Variants in EBF1 observed in about 807,000 individuals in gnomAD.
The protein encoded by EBF1 is transcription factor COE1.
In EBF1, 10 loss-of-function variants were observed where a neutral mutation model predicts 68.4. The ratio of observed to expected loss-of-function variants is 0.15; its 90% CI spans 0.09 to 0.25. The LOEUF (loss-of-function observed/expected upper bound fraction) is 0.25. Among genes scored for constraint, EBF1 ranks in the 10% least tolerant of loss-of-function variants. The probability of loss-of-function intolerance (pLI) is 1.00; values close to 1 mark genes in which losing one functional copy is unlikely to be tolerated. For synonymous variants in EBF1, 298 were observed against 299.8 expected (o/e 0.99, Z 0.06); for missense variants, 509 against 794.4 (o/e 0.64, Z 4.32).
chr5:158,781,970 G>A (rs1476270925), intron 9 of EBF1, among the ~76,000 whole-genome samples: 5 of 152,044 alleles, frequency 3.3e-5, no homozygotes, highest in Admixed American at 2.0e-4. Context: ...TTTAGGGTTC[G>A]CCAAGGCCTG....
chr5:159,068,769 G>A (rs1466443157), intron 6 of EBF1, among the ~76,000 whole-genome samples: 3 of 152,152 alleles, frequency 2.0e-5, no homozygotes, highest in African/African-American at 7.2e-5. Context: ...CTAAATGGAA[G>A]TGATCTAGAT....
At chr5:158,736,402 C>T (rs1765193112) in intron 10 of EBF1, among the ~76,000 whole-genome samples, 1 of 152,082 alleles carries the variant, frequency 6.6e-6, no homozygotes, top group African/African-American at 2.4e-5. Context: ...TATAGCTCAG[C>T]GACTCACTGC....
chr5:158,829,269 C>T (rs531841697), intron 7 of EBF1, among the ~76,000 whole-genome samples: 93 of 151,932 alleles, frequency 6.1e-4, no homozygotes, highest in Admixed American at 3.1e-3. Context: ...CTCTGCGTCC[C>T]GGGCTCAACT....
intron 2 of EBF1, among the ~76,000 whole-genome samples, 193 bp downstream of exon 2, chr5:159,096,781 C>A (rs1384174352): frequency 1.3e-5 from 2 of 152,160 alleles, no homozygotes; most frequent in African/African-American, 4.8e-5. Flanking sequence ...GGGCTCCGTG[C>A]GAACTTTTCT....
At chr5:158,788,016 G>C (rs1207627627) in intron 9 of EBF1, among the ~76,000 whole-genome samples, 1 of 146,758 alleles carries the variant, frequency 6.8e-6, no homozygotes, top group African/African-American at 2.5e-5. Context: ...GGGAGCATTT[G>C]TTTGACTGAA....
chr5:158,854,686 C>T (rs549579822), intron 6 of EBF1, among the ~76,000 whole-genome samples: 9 of 152,312 alleles, frequency 5.9e-5, no homozygotes, highest in Admixed American at 4.6e-4. Context: ...CTCCTTGCTT[C>T]TAAAGAGACT....
intron 6 of EBF1, among the ~76,000 whole-genome samples, chr5:159,058,469 C>A (rs931704241): frequency 1.3e-5 from 2 of 152,200 alleles, no homozygotes; most frequent in Non-Finnish European, 2.9e-5. Context: ...ACCTTGCAAC[C>A]AGACAAATGA....
At chr5:158,809,477 G>A (rs1459752188) in intron 8 of EBF1, among the ~76,000 whole-genome samples, 1 of 152,110 alleles carries the variant, frequency 6.6e-6, no homozygotes, top group Non-Finnish European at 1.5e-5. Context: ...CTTAAGTTGT[G>A]CAATTTCTTA....
intron 6 of EBF1, among the ~76,000 whole-genome samples, chr5:158,971,410 T>C (rs865868208): frequency 3.9e-5 from 6 of 152,126 alleles, no homozygotes; most frequent in Admixed American, 6.5e-5. Flanking sequence ...ATGGGGACTT[T>C]AAACAGGCAA....
rs146143883 is a variant in EBF1, at chr5:158,863,261, G to A, written c.555-23151C>T. On this transcript the variant is annotated intron_variant, in intron 6 of 15. Transcript: ENST00000313708. ...AAAAAATCTCCTATATTTCAAGAAT[G>A]ATCACAACTCCTACCTCTCCCTCTA... 1.1e-4 allele frequency among the ~76,000 whole-genome samples: 16 copies of A among 152,148 alleles called. No homozygotes were observed. The East Asian group carries it at 3.1e-3, about 29-fold the overall frequency.
intron 6 of EBF1, among the ~76,000 whole-genome samples, chr5:159,045,058 C>T (rs1772064003): frequency 6.6e-6 from 1 of 151,914 alleles, no homozygotes; most frequent in Admixed American, 6.6e-5. Context: ...ATGTTTTCCT[C>T]CTTTTATTAT....
chr5:158,723,421 G>A (rs2127524302), intron 11 of EBF1, among the ~76,000 whole-genome samples: 1 of 152,268 alleles, frequency 6.6e-6, no homozygotes, highest in East Asian at 1.9e-4. Context: ...GTCCTCATCT[G>A]TAAAACAGAG....
intron 6 of EBF1, among the ~76,000 whole-genome samples, chr5:159,014,503 T>TGAGA (rs1765294549): frequency 6.6e-6 from 1 of 152,202 alleles, no homozygotes; most frequent in Non-Finnish European, 1.5e-5. Flanking sequence ...GAGGCACAAG[T>TGAGA]GAGAACAAGT....
chr5:159,045,493 A>C (rs938987019), intron 6 of EBF1, among the ~76,000 whole-genome samples: 1 of 152,036 alleles, frequency 6.6e-6, no homozygotes, highest in South Asian at 2.1e-4. Context: ...TCATTGCATT[A>C]AAAAAAAGAT....
At chr5:158,860,968 C>T (rs746243948) in intron 6 of EBF1, among the ~76,000 whole-genome samples, 11 of 152,168 alleles carry the variant, frequency 7.2e-5, no homozygotes, top group African/African-American at 9.7e-5. Flanking sequence ...ACCTCCAAGA[C>T]GACACTCAGT....
chr5:158,718,825 C>T (rs1439354309), intron 11 of EBF1, among the ~76,000 whole-genome samples: 1 of 152,132 alleles, frequency 6.6e-6, no homozygotes, highest in Non-Finnish European at 1.5e-5. Flanking sequence ...ATCTGTGTCA[C>T]CCAGCACAGC....
chr5:158,877,455 T>C (rs918394696), intron 6 of EBF1, among the ~76,000 whole-genome samples: 1 of 152,188 alleles, frequency 6.6e-6, no homozygotes, highest in Non-Finnish European at 1.5e-5. Flanking sequence ...CCAGCCAAGA[T>C]CAACACCATG....
chr5:158,866,771 T>C (rs1795936360), intron 6 of EBF1, among the ~76,000 whole-genome samples: 1 of 148,232 alleles, frequency 6.7e-6, no homozygotes, highest in Admixed American at 6.9e-5. Flanking sequence ...GGAAGATGAT[T>C]TCTTTCCAAA....
intron 6 of EBF1, among the ~76,000 whole-genome samples, chr5:158,937,369 G>C (rs1179197551): frequency 6.6e-6 from 1 of 152,036 alleles, no homozygotes; most frequent in Non-Finnish European, 1.5e-5. Flanking sequence ...TAGGCAAATT[G>C]GACAGAAATC....
Sources: allele counts gnomAD v4.1 joint callset (sites outside exome capture counted in the v4.1 genomes callset), GRCh38; gene constraint gnomAD v4.1.1; transcripts MANE v1.5; gene names NCBI Gene and HGNC (gene_info 2026-07-23, HGNC 2026-07-21).